The following AACS variants were observed in gnomAD, a reference collection of about 807,000 sequenced individuals.
The protein encoded by AACS is acetoacetate-CoA ligase.
Under a neutral mutation model 83.1 loss-of-function variants are expected in AACS, and 69 were observed. That is an observed-to-expected ratio of 0.83 (90% CI 0.68 to 1.01). The LOEUF (loss-of-function observed/expected upper bound fraction) is 1.01, where lower values mean the gene tolerates loss of function less well. Among genes scored for constraint, AACS ranks in the 50% least tolerant of loss-of-function variants. The pLI is 0.00. For synonymous variants in AACS, 333 were observed against 343.4 expected, an observed-to-expected ratio of 0.97 and a Z score of 0.33; for missense variants, 866 against 882.2, an observed-to-expected ratio of 0.98 and a Z score of 0.23.
At position 125,111,291 on chromosome 12, in the gene AACS, T is replaced by C. The variant is rs368166993; in HGVS notation, c.916-3186T>C. ...CCACCGAGATGAGCATTTTTAGAAA[T>C]CTTGCAGACAAGGGTCGGGGCGGGG... On this transcript the variant is annotated intron_variant, in intron 8 of 17. Transcript: ENST00000316519. 9.7e-4 allele frequency among the ~76,000 whole-genome samples: 133 copies of C among 137,374 alleles called. 1 individual carries two copies. Among genetic ancestry groups the C allele is most frequent in the African/African-American group, 3.5e-3 (128 of 36,624 alleles). The allele number at this position is 137,374 out of a possible 152,430, so 90.1% of individuals were successfully genotyped here.
intron 3 of AACS, among the ~76,000 whole-genome samples, chr12:125,079,760 G>T (rs1956123147): frequency 6.6e-6 from 1 of 152,058 alleles, no homozygotes; most frequent in African/African-American, 2.4e-5. Context: ...CAGCTCAGTG[G>T]TTTTTAGCAT....
rs781505723 is a variant in AACS at position 125,118,631 on chromosome 12, G to A, written c.997-10G>A. Reference sequence around the variant, plus strand: ...CGCCCGCTGAAGCCGCATCCCTCCTGTCTTTGCAGGTCGGCTGGATGATGT... The same window carrying A: ...CGCCCGCTGAAGCCGCATCCCTCCTATCTTTGCAGGTCGGCTGGATGATGT... On this transcript the variant is annotated splice_polypyrimidine_tract_variant and intron_variant, in intron 9 of 17. Coordinates refer to ENST00000316519, the MANE Select transcript of AACS (RefSeq NM_023928.5). 6 of 1,613,870 alleles carry A rather than the reference G, an allele frequency of 3.7e-6. No homozygotes were observed. Among genetic ancestry groups the A allele is most frequent in the East Asian group, 2.2e-5 (1 of 44,884 alleles).
intron 1 of AACS, among the ~76,000 whole-genome samples, chr12:125,073,270 A>G (rs1222468399): frequency 1.3e-5 from 2 of 152,336 alleles, no homozygotes; most frequent in Non-Finnish European, 2.9e-5. Flanking sequence ...AGTCTTGTGA[A>G]CATATTGCTT....
chr12:125,082,791 A>T (rs1956226245), intron 3 of AACS, among the ~76,000 whole-genome samples: 2 of 152,174 alleles, frequency 1.3e-5, no homozygotes, highest in South Asian at 4.1e-4. Flanking sequence ...ATTGCACTCC[A>T]GCCTGGGTGA....
At chr12:125,122,642 C>CA (rs35772576) in intron 10 of AACS, 32,192 of 84,742 alleles carry the variant, frequency 0.38, 5,255 homozygotes, top group East Asian at 0.52. Flanking sequence ...GACTCCATCT[C>CA]AAAAAAAAAA....
In AACS at chr12:125,142,250, A is replaced by T. The variant is rs372507401; in HGVS notation, c.*21A>T. The T allele has an allele frequency of 1.2e-6, 2 of 1,612,414 alleles. No homozygotes were observed. Among genetic ancestry groups the T allele is most frequent in the African/African-American group, 2.7e-5 (2 of 74,800 alleles). ...TCTGAGTCAGACTGGCTGGCGTGTC[A>T]CTCAGCCGCACCCGTGTGCACTGTA... On this transcript the variant is annotated 3_prime_UTR_variant, in exon 18 of 18. Coordinates refer to ENST00000316519, the MANE Select transcript of AACS (RefSeq NM_023928.5).
At chr12:125,133,973 G>T (rs1456686403) in intron 14 of AACS, 30 bp from the exon 15 acceptor site, 1 of 1,613,680 alleles carries the variant, frequency 6.2e-7, no homozygotes, top group East Asian at 2.2e-5. Context: ...TTCTCCTCGG[G>T]ATGACCGGGC....
chr12:125,102,068 T>TA (rs36095424), intron 5 of AACS: 60,083 of 142,640 alleles, frequency 0.42, 12,690 homozygotes, highest in East Asian at 0.52. Context: ...CTTGCCTTTT[T>TA]AAAAAAAAAA....
chr12:125,081,837 G>T (rs1956194434), intron 3 of AACS, among the ~76,000 whole-genome samples: 1 of 151,646 alleles, frequency 6.6e-6, no homozygotes, highest in Non-Finnish European at 1.5e-5. Flanking sequence ...AGGATGAAGG[G>T]CAGACGCGTA....
chr12:125,086,252 A>AT (rs1221471342), intron 3 of AACS, 78 bp from the exon 4 acceptor site: 7 of 1,267,424 alleles, frequency 5.5e-6, no homozygotes, highest in Non-Finnish European at 6.8e-6. Context: ...AACAGGTGGG[A>AT]TTTTTCATTC....
chr12:125,115,800 C>A (rs1454020495), intron 9 of AACS, among the ~76,000 whole-genome samples: 3 of 151,990 alleles, frequency 2.0e-5, no homozygotes, highest in African/African-American at 7.3e-5. Context: ...GGAGTGGGGA[C>A]AGACCCCTGG....
rs184271348 is a variant in AACS, at chr12:125,135,591, G to C, written c.1678+739G>C. Among the ~76,000 whole-genome samples the C allele has an allele frequency of 3.3e-5, 5 of 152,324 alleles. No individual in the cohort carries two copies. In the East Asian group the frequency reaches 9.6e-4, roughly 29 times the overall value. ...ACCCAGACCCAGCCCAGGCCGCAGA[G>C]TTGGTCAGATGGCCTCTTATGCTAG... On this transcript the variant is annotated intron_variant, in intron 16 of 17. Transcript: ENST00000316519.
At position 125,083,043 on chromosome 12, in the gene AACS, A is replaced by C. The variant is rs1044595103; in HGVS notation, c.359-3287A>C. On this transcript the variant is annotated intron_variant, in intron 3 of 17. Coordinates refer to ENST00000316519, the MANE Select transcript of AACS (RefSeq NM_023928.5). ...ATGTCATAGATTTCCTGAAAGCCAT[A>C]GTTTAGAACAAACATTTCTTACCTC... Among the ~76,000 whole-genome samples the C allele has an allele frequency of 2.6e-5, 4 of 152,260 alleles. No individual in the cohort carries two copies. In the South Asian group the frequency reaches 8.3e-4, roughly 31 times the overall value.
intron 3 of AACS, among the ~76,000 whole-genome samples, chr12:125,077,471 C>T (rs2136044826): frequency 6.7e-6 from 1 of 148,634 alleles, no homozygotes; most frequent in East Asian, 2.0e-4. Flanking sequence ...GATTGCGCCA[C>T]TGCACTCCAG....
chr12:125,133,178 A>G lies in AACS; in HGVS notation c.1550-825A>G, dbSNP rs115550584. ...CTGATCAAGGGCTGGTGGTGGTGTC[A>G]GCAGGAGGAGGCCCCCAGCTGGTTA... On this transcript the variant is annotated intron_variant, in intron 14 of 17. Transcript: ENST00000316519. Among the ~76,000 whole-genome samples, 761 of 152,300 alleles carry G rather than the reference A, an allele frequency of 5.0e-3. 8 individuals carry two copies. Among genetic ancestry groups the G allele is most frequent in the African/African-American group, 0.017 (722 of 41,562 alleles).
chr12:125,107,188 C>G lies in AACS; in HGVS notation c.835C>G (p.Leu279Val), dbSNP rs140472203. The G allele has an allele frequency of 1.1e-3, 1,840 of 1,614,154 alleles. 4 individuals carry two copies. Among genetic ancestry groups the G allele is most frequent in the Non-Finnish European group, 1.4e-3 (1,599 of 1,180,050 alleles). Residue 279 changes from leucine (L) to valine (V), a missense_variant, in exon 8 of 18, where the codon CTG (leucine) becomes GTG (valine). Physicochemically the swap from Leu to Val is conservative, Grantham distance 32. Transcript: ENST00000316519. ...GGCCCCGCAGCTGGAGTTCGAGCAG[C>G]TGCCCTTCAGCCACCCACTGTTCAT... Reference protein sequence around the residue: ...EQAPQLEFEQLPFSHPLFIMF... With the variant: ...EQAPQLEFEQVPFSHPLFIMF...
rs1327257358 is a variant in AACS at position 125,103,097 on chromosome 12, C to G, written c.767+16C>G. 1.2e-6 allele frequency: 2 copies of G among 1,610,972 alleles called. No individual in the cohort carries two copies. Among genetic ancestry groups the G allele is most frequent in the Non-Finnish European group, 1.7e-6 (2 of 1,178,222 alleles). ...TTCCAAACAGGTAATGTACCGCATT[C>G]TGACCCACAGGTCCGTGTGGACCCA... On this transcript the variant is annotated intron_variant, in intron 7 of 17. Coordinates refer to ENST00000316519, the MANE Select transcript of AACS (RefSeq NM_023928.5).
intron 10 of AACS, chr12:125,120,077 G>T (rs1010429674): frequency 2.6e-5 from 4 of 152,138 alleles, no homozygotes; most frequent in African/African-American, 9.7e-5. Context: ...ACAGGCGAGA[G>T]CCAGTTGGGT....
intron 2 of AACS, among the ~76,000 whole-genome samples, chr12:125,075,539 G>A (rs1346440306): frequency 6.6e-6 from 1 of 151,336 alleles, no homozygotes; most frequent in East Asian, 1.9e-4. Flanking sequence ...TGATCCGCCT[G>A]CCTTGGCCTG....
Sources: gnomAD v4.1 joint callset for allele counts (sites outside exome capture counted in the v4.1 genomes callset) on GRCh38, gnomAD v4.1.1 for gene constraint, MANE v1.5 for transcripts, NCBI Gene and HGNC (gene_info 2026-07-23, HGNC 2026-07-21) for gene names.